Variants in GLUD1 observed in about 807,000 individuals in gnomAD.
GLUD1 encodes the protein glutamate dehydrogenase 1.
Under a neutral mutation model 56.0 loss-of-function variants are expected in GLUD1, and 22 were observed. That is an observed-to-expected ratio of 0.39 (90% CI 0.28 to 0.56). The LOEUF (loss-of-function observed/expected upper bound fraction) is 0.56. Ranked by LOEUF, GLUD1 falls within the 20% of genes least tolerant of loss-of-function variation. The probability of loss-of-function intolerance (pLI) is 0.58; values close to 1 mark genes in which losing one functional copy is unlikely to be tolerated. For missense variants in GLUD1, 451 were observed against 732.0 expected, an observed-to-expected ratio of 0.62 and a Z score of 4.43; for synonymous variants, 223 against 269.9, an observed-to-expected ratio of 0.83 and a Z score of 1.70.
intron 1 of GLUD1, among the ~76,000 whole-genome samples, chr10:87,081,019 G>T (rs1434957947): frequency 7.6e-6 from 1 of 131,620 alleles, no homozygotes; most frequent in South Asian, 2.5e-4. Context: ...GGAGGGAGGT[G>T]GGGGGTCAGC....
chr10:87,068,313 T>C (rs1846133471), intron 4 of GLUD1, among the ~76,000 whole-genome samples, 156 bp from the exon 5 acceptor site: 1 of 152,246 alleles, frequency 6.6e-6, no homozygotes, highest in South Asian at 2.1e-4. Flanking sequence ...GAAATATTCA[T>C]TAAATGTTTC....
At chr10:87,062,590 A>G (rs1845964731) in intron 6 of GLUD1, 66 bp downstream of exon 6, 7 of 1,161,818 alleles carry the variant, frequency 6.0e-6, no homozygotes, top group Middle Eastern at 3.8e-4. Context: ...ACAATTCTAA[A>G]AACATTGAAA....
chr10:87,067,989 G>T, intron 5 of GLUD1, 74 bp downstream of exon 5: 2 of 860,508 alleles, frequency 2.3e-6, no homozygotes, highest in Admixed American at 1.8e-5. Flanking sequence ...CTCAACTTTT[G>T]ATATAATCAG....
At chr10:87,069,514 C>CAAAAAAAAAAAAA (rs374019349) in intron 4 of GLUD1, among the ~76,000 whole-genome samples, 1 of 62,620 alleles carries the variant, frequency 1.6e-5, no homozygotes, top group Non-Finnish European at 3.3e-5. Flanking sequence ...GACTCTGTTT[C>CAAAAAAAAAAAAA]AAAAAAAAAA....
intron 1 of GLUD1, among the ~76,000 whole-genome samples, chr10:87,077,260 C>A (rs1484697024): frequency 6.6e-6 from 1 of 152,146 alleles, no homozygotes; most frequent in Non-Finnish European, 1.5e-5. Flanking sequence ...ATCCTCCCAC[C>A]TTGGCTTCCC....
At position 87,094,523 on chromosome 10, in the gene GLUD1, C is replaced by T. The variant is rs368011745; in HGVS notation, c.247G>A (p.Asp83Asn). 5 of 1,612,886 alleles carry T rather than the reference C, an allele frequency of 3.1e-6. No homozygotes were observed. Among genetic ancestry groups the T allele is most frequent in the Non-Finnish European group, 4.2e-6 (5 of 1,179,982 alleles). ...GTCCTCAGGTCCTCCACCAGCTTGT[C>T]CTCCACGATGCTGGCGCCGCGATCG... is the stretch of plus-strand genomic sequence containing the variant. ...FFDRGASIVE[D>N]KLVEDLRTRE... The change falls in exon 1 of 13, where the codon GAC (aspartate) becomes AAC (asparagine). Residue 83 changes from aspartate to asparagine, a missense_variant. Physicochemically the swap from Asp to Asn is conservative, Grantham distance 23 (BLOSUM62 1). This residue lies in a region of GLUD1 where 158 missense variants were observed against 189.7 expected (regional missense o/e 0.83). Transcript: ENST00000277865. This position sits in a 1 kb window ranked among gnomAD's most constrained non-coding sequence, Gnocchi z 6.6.
At chr10:87,065,125 T>C (rs1404894267) in intron 5 of GLUD1, among the ~76,000 whole-genome samples, 1 of 151,948 alleles carries the variant, frequency 6.6e-6, no homozygotes, top group Non-Finnish European at 1.5e-5. Context: ...ACACCGTCTC[T>C]ACTAAAAATA....
intron 6 of GLUD1, 96 bp downstream of exon 6, chr10:87,062,560 G>A: frequency 1.0e-6 from 1 of 980,370 alleles, no homozygotes; most frequent in Non-Finnish European, 1.6e-6. Flanking sequence ...AGAGATTTGA[G>A]ATAACTTAAT....
chr10:87,080,139 T>G (rs578099926), intron 1 of GLUD1, among the ~76,000 whole-genome samples: 2 of 152,044 alleles, frequency 1.3e-5, no homozygotes, highest in South Asian at 4.2e-4. Flanking sequence ...GGGATTTCGC[T>G]GTGTTGGCCG....
chr10:87,085,880 A>T (rs909855150), intron 1 of GLUD1, among the ~76,000 whole-genome samples: 1 of 152,190 alleles, frequency 6.6e-6, no homozygotes, highest in African/African-American at 2.4e-5. Flanking sequence ...AGATTCTTTT[A>T]TTCTGATCTT....
At chr10:87,090,559 C>T (rs772622653) in intron 1 of GLUD1, among the ~76,000 whole-genome samples, 2 of 152,106 alleles carry the variant, frequency 1.3e-5, no homozygotes, top group Admixed American at 6.6e-5. Flanking sequence ...GGAGAAAAGA[C>T]GCATTTGGCT....
chr10:87,070,855 G>A (rs1846214822), intron 4 of GLUD1, among the ~76,000 whole-genome samples: 1 of 151,958 alleles, frequency 6.6e-6, no homozygotes, highest in South Asian at 2.1e-4. Context: ...CTGAGGCCGG[G>A]TGCGGTGCTC....
intron 1 of GLUD1, among the ~76,000 whole-genome samples, chr10:87,088,181 T>G (rs564262669): frequency 4.0e-4 from 61 of 151,646 alleles, no homozygotes; most frequent in Non-Finnish European, 5.7e-4. Context: ...GTTTTGTTTT[T>G]TTTTTTGTCA....
chr10:87,050,964 G>C lies in GLUD1; in HGVS notation c.*787C>G, dbSNP rs1684895351. 6.6e-6 allele frequency: 1 copy of C among 152,606 alleles called. No individual in the cohort carries two copies. The highest frequency in any genetic ancestry group is 6.6e-5 in the Admixed American group (1 of 15,262). 9.5% of individuals were successfully genotyped at this position (152,606 alleles called of 1,614,324 possible). On this transcript the variant is annotated 3_prime_UTR_variant, in exon 13 of 13. Coordinates refer to ENST00000277865, the MANE Select transcript of GLUD1 (RefSeq NM_005271.5). ...ATCATAATTATAGTAAGCAAATTCT[G>C]ACAGTTTTAATGAAAATAGCCTCCA...
rs1295187257 is a variant in GLUD1 at position 87,091,616 on chromosome 10, TGTA to T, written c.445+2706_445+2708del. ...GACAAATCTAACGGCCTCAGGTACATGTAGTAACTGGGAAAAGAAAAGCACAAA... is the reference window on the plus strand; with the variant it reads ...GACAAATCTAACGGCCTCAGGTACATGTAACTGGGAAAAGAAAAGCACAAA... On this transcript the variant is annotated intron_variant, in intron 1 of 12. Transcript: ENST00000277865. 3 of 961,798 alleles carry T rather than the reference TGTA, an allele frequency of 3.1e-6. No individual in the cohort carries two copies. In the East Asian group the frequency reaches 3.4e-4, roughly 110 times the overall value. The allele number at this position is 961,798 out of a possible 1,614,324, so 59.6% of individuals were successfully genotyped here. A position where few individuals can be genotyped will look rare whatever the true frequency, so the allele number is the denominator to read the frequency against.
intron 1 of GLUD1, among the ~76,000 whole-genome samples, chr10:87,081,361 G>A (rs1293446449): frequency 1.3e-5 from 2 of 151,490 alleles, no homozygotes; most frequent in Non-Finnish European, 3.0e-5. Context: ...CGCCCTGTCC[G>A]GGAGGTGAGG....
At position 87,051,422 on chromosome 10, in the gene GLUD1, G is replaced by A; in HGVS notation, c.*329C>T. On this transcript the variant is annotated 3_prime_UTR_variant, in exon 13 of 13. Coordinates refer to ENST00000277865, the MANE Select transcript of GLUD1 (RefSeq NM_005271.5). ...AGCAAGCAACTGACTGCTCTTGACT[G>A]TTCCTCCCCAGCACTAGCACTGATT... The A allele has an allele frequency of 2.4e-6, 1 of 408,686 alleles. No individual in the cohort carries two copies. The highest frequency in any genetic ancestry group is 2.2e-5 in the South Asian group (1 of 46,094). 25.3% of individuals were successfully genotyped at this position (408,686 alleles called of 1,614,324 possible).
intron 3 of GLUD1, 64 bp downstream of exon 3, chr10:87,075,904 A>G: frequency 1.8e-6 from 2 of 1,093,002 alleles, no homozygotes; most frequent in Non-Finnish European, 2.8e-6. Context: ...ACAGAGGAAG[A>G]CTCTGTCTCA....
intron 4 of GLUD1, among the ~76,000 whole-genome samples, chr10:87,073,175 T>C (rs528012330): frequency 6.6e-6 from 1 of 152,174 alleles, no homozygotes; most frequent in African/African-American, 2.4e-5. Flanking sequence ...TGAGATGTGG[T>C]CTCGTTTTGT....
Sources: gnomAD v4.1 joint callset for allele counts (sites outside exome capture counted in the v4.1 genomes callset) on GRCh38, gnomAD v4.1.1 for gene constraint, gnomAD v4.1.1 regional missense constraint, Gnocchi (gnomAD v3.1) non-coding constraint, MANE v1.5 for transcripts, NCBI Gene and HGNC (gene_info 2026-07-23, HGNC 2026-07-21) for gene names.